KCNAB2: variants seen among roughly 807,000 people sequenced by gnomAD.
KCNAB2 encodes potassium voltage-gated channel subfamily A regulatory beta subunit 2.
Under a neutral mutation model 63.6 loss-of-function variants are expected in KCNAB2, and 29 were observed. The ratio of observed to expected loss-of-function variants is 0.46; its 90% confidence interval spans 0.34 to 0.62. The LOEUF (loss-of-function observed/expected upper bound fraction) is 0.62, where lower values mean the gene tolerates loss of function less well. KCNAB2 is among the 20% of genes least tolerant of loss of function. KCNAB2 has a pLI of 0.01. For synonymous variants in KCNAB2, 222 were observed against 224.2 expected (o/e 0.99, Z 0.09); for missense variants, 359 against 563.9 (o/e 0.64, Z 3.68).
rs1056693083 is a variant in KCNAB2 at position 6,099,550 on chromosome 1, T to C, written c.*976T>C. 3.6e-4 allele frequency: 164 copies of C among 457,704 alleles called. No homozygotes were observed. Among genetic ancestry groups the C allele is most frequent in the Non-Finnish European group, 4.6e-4 (122 of 263,152 alleles). The allele number at this position is 457,704 out of a possible 1,614,324, so 28.4% of individuals were successfully genotyped here. ...CAGGGGCCGGCCCTGTGCACAAGGATGCACTCCTCTCGGCCCCTGTAGACT... is the reference window on the plus strand; with the variant it reads ...CAGGGGCCGGCCCTGTGCACAAGGACGCACTCCTCTCGGCCCCTGTAGACT... On this transcript the variant is annotated 3_prime_UTR_variant, in exon 16 of 16. Transcript: ENST00000378083.
Position 6,086,577 on chromosome 1 carries a change from T to C in KCNAB2, c.426-890T>C, listed in dbSNP as rs1303736508. On this transcript the variant is annotated intron_variant, in intron 6 of 15. Transcript: ENST00000378083. This position sits in a 1 kb window ranked among gnomAD's most constrained non-coding sequence, Gnocchi z 4.2. Reference sequence around the variant, plus strand: ...CAGCCATGGGGCACCAGGAGGTCATTGTCACCCCCTGGGTGGGAAGTACTC... The same window carrying C: ...CAGCCATGGGGCACCAGGAGGTCATCGTCACCCCCTGGGTGGGAAGTACTC... 6.6e-6 allele frequency among the ~76,000 whole-genome samples: 1 copy of C among 152,088 alleles called. No homozygotes were observed. Among genetic ancestry groups the C allele is most frequent in the African/African-American group, 2.4e-5 (1 of 41,412 alleles).
intron 1 of KCNAB2, among the ~76,000 whole-genome samples, chr1:6,005,350 ATGT>A (rs1657572370): frequency 1.4e-3 from 1 of 732 alleles, no homozygotes; most frequent in Non-Finnish European, 2.5e-3. Context: ...GAGTGGGGGG[ATGT>A]GGGAGCTGAG....
chr1:5,992,684 C>A (rs1656561705), upstream of KCNAB2: 1 of 152,354 alleles, frequency 6.6e-6, no homozygotes, highest in Non-Finnish European at 1.5e-5. Flanking sequence ...ATGCTGCTGG[C>A]GGAACCTGCA....
At chr1:6,088,343 TG>T (rs1348951771) in intron 7 of KCNAB2, among the ~76,000 whole-genome samples, 1 of 151,834 alleles carries the variant, frequency 6.6e-6, no homozygotes, top group African/African-American at 2.4e-5. Flanking sequence ...GTGACCTTCC[TG>T]CCTCAAGTAG....
chr1:6,013,985 G>A (rs1169905645), intron 1 of KCNAB2, among the ~76,000 whole-genome samples: 1 of 152,190 alleles, frequency 6.6e-6, no homozygotes, highest in African/African-American at 2.4e-5. Context: ...AGGTGACCAA[G>A]GCAGGCCAGC....
At chr1:6,064,831 T>A (rs567977964) in intron 2 of KCNAB2, among the ~76,000 whole-genome samples, 4 of 152,162 alleles carry the variant, frequency 2.6e-5, no homozygotes, top group African/African-American at 4.8e-5. Flanking sequence ...AGGGGGACAC[T>A]TGGGATCAGA....
chr1:6,057,564 A>T (rs1661946576), intron 2 of KCNAB2, among the ~76,000 whole-genome samples: 1 of 152,124 alleles, frequency 6.6e-6, no homozygotes, highest in Non-Finnish European at 1.5e-5. Flanking sequence ...CCATCTTGGG[A>T]AAGATCCTGT....
intron 1 of KCNAB2, among the ~76,000 whole-genome samples, chr1:5,999,955 C>T (rs772636024): frequency 7.4e-5 from 11 of 149,074 alleles, no homozygotes; most frequent in Admixed American, 4.0e-4. Context: ...GTCTGTGCCC[C>T]GTCCGCACCC....
intron 1 of KCNAB2, among the ~76,000 whole-genome samples, chr1:6,017,406 CTGTGTGTGTG>C (rs56202547): frequency 3.4e-5 from 5 of 147,186 alleles, no homozygotes; most frequent in African/African-American, 1.3e-4. Flanking sequence ...CCATACCTGG[CTGTGTGTGTG>C]TGTGTGTGTG....
chr1:6,097,696 T>C, intron 15 of KCNAB2: 2 of 554,500 alleles, frequency 3.6e-6, no homozygotes, highest in Non-Finnish European at 3.2e-6. Context: ...AGGTGGTGCT[T>C]GAGCAGTCTT....
At chr1:6,015,634 T>C (rs777277052) in intron 1 of KCNAB2, among the ~76,000 whole-genome samples, 2 of 152,322 alleles carry the variant, frequency 1.3e-5, no homozygotes, top group South Asian at 2.1e-4. Flanking sequence ...GGGGCTTGGG[T>C]CAGTGTTGGG....
intron 7 of KCNAB2, among the ~76,000 whole-genome samples, chr1:6,088,655 T>A (rs978359904): frequency 5.3e-5 from 8 of 152,078 alleles, no homozygotes; most frequent in African/African-American, 1.4e-4. Context: ...AGTGCTGGGA[T>A]TACAGGCGTG....
At chr1:6,021,775 G>A (rs1467354596) in intron 1 of KCNAB2, among the ~76,000 whole-genome samples, 8 of 151,878 alleles carry the variant, frequency 5.3e-5, no homozygotes, top group Non-Finnish European at 1.0e-4. Context: ...ATGGTATTGA[G>A]TGTACAGTTC....
intron 1 of KCNAB2, among the ~76,000 whole-genome samples, chr1:6,025,554 G>A (rs1028467578): frequency 1.3e-5 from 2 of 152,158 alleles, no homozygotes; most frequent in Admixed American, 1.3e-4. Context: ...CCCCGCAGAG[G>A]GTGCTCTTAC....
Position 6,086,940 on chromosome 1 carries a change from A to G in KCNAB2, c.426-527A>G, listed in dbSNP as rs1197351810. Among the ~76,000 whole-genome samples, 1 of 151,036 alleles carries G rather than the reference A, an allele frequency of 6.6e-6. No individual in the cohort carries two copies. The highest frequency in any genetic ancestry group is 1.5e-5 in the Non-Finnish European group (1 of 67,836). On this transcript the variant is annotated intron_variant, in intron 6 of 15. Coordinates refer to ENST00000378083, the MANE Select transcript of KCNAB2 (RefSeq NM_001199862.2). This position sits in a 1 kb window ranked among gnomAD's most constrained non-coding sequence, Gnocchi z 4.2. ...ACCCCGACCAGGCCGTCCCACACAG[A>G]TTTTCTGCAACACGTGTCACATTCT...
At chr1:6,094,891 G>A (rs1665490332) in intron 11 of KCNAB2, among the ~76,000 whole-genome samples, 1 of 152,234 alleles carries the variant, frequency 6.6e-6, no homozygotes, top group Non-Finnish European at 1.5e-5. Flanking sequence ...CCTGAGACGT[G>A]CCCGGTGCTG....
exon 1 of KCNAB2, chr1:6,034,522 G>C (rs942852338): frequency 1.3e-5 from 2 of 152,374 alleles, no homozygotes; most frequent in Non-Finnish European, 2.9e-5. Flanking sequence ...ACTTCTCGGA[G>C]TCCAGAGGGG....
At chr1:6,072,734 C>T (rs1025826649) in intron 2 of KCNAB2, 21 bp from the exon 3 acceptor site, 1 of 1,613,430 alleles carries the variant, frequency 6.2e-7, no homozygotes, top group Non-Finnish European at 8.5e-7. Flanking sequence ...GCTGAGAACT[C>T]ACGTGGCGTT....
intron 1 of KCNAB2, among the ~76,000 whole-genome samples, chr1:6,017,239 GA>G (rs1347957413): frequency 6.6e-6 from 1 of 152,118 alleles, no homozygotes; most frequent in Non-Finnish European, 1.5e-5. Context: ...GTCTGCAGGG[GA>G]AGCATGGCCT....
Sources: gnomAD v4.1 joint callset for allele counts (sites outside exome capture counted in the v4.1 genomes callset) on GRCh38, gnomAD v4.1.1 for gene constraint, Gnocchi (gnomAD v3.1) non-coding constraint, MANE v1.5 for transcripts, NCBI Gene and HGNC (gene_info 2026-07-23, HGNC 2026-07-21) for gene names.